RIC3: variants seen among roughly 807,000 people sequenced by gnomAD.
RIC3 encodes protein RIC-3.
RIC3 carries 28 observed loss-of-function variants against 27.3 expected under a neutral mutation model. The ratio of observed to expected loss-of-function variants is 1.02; its 90% CI spans 0.76 to 1.41. The LOEUF is 1.41. Ranked by LOEUF, RIC3 falls within the 40% of genes most tolerant of loss-of-function variation. The pLI is 0.00. For missense variants in RIC3, 501 were observed against 444.7 expected, an observed-to-expected ratio of 1.13 and a Z score of -1.14; for synonymous variants, 184 against 160.4, an observed-to-expected ratio of 1.15 and a Z score of -1.11.
chr11:8,093,279 G>A, the RIC3 span, among the ~76,000 whole-genome samples: 4 of 152,088 alleles, frequency 2.6e-5, no homozygotes, highest in Admixed American at 6.5e-5. Flanking sequence ...GGCAGCAGGA[G>A]CAAGGGCCCT....
At chr11:8,105,051 A>ATGCTT (rs1399567110), downstream of RIC3, 1 of 152,022 alleles carries the variant, frequency 6.6e-6, no homozygotes, top group African/African-American at 2.4e-5. Flanking sequence ...AAAAAGGTCC[A>ATGCTT]TGCTTTGCTT....
chr11:8,131,161 C>T (rs1236036734), intron 4 of RIC3, among the ~76,000 whole-genome samples: 1 of 152,074 alleles, frequency 6.6e-6, no homozygotes, highest in Admixed American at 6.6e-5. Context: ...CTTCATCTAA[C>T]ACTTTTTTGG....
rs1339519797 is a variant in RIC3, at chr11:8,124,832, C to T, written c.670+1827G>A. Reference sequence around the variant, plus strand: ...AAAAAAATAAACCTCAGTCCTGACACCTCAGATCATCTATAAAGGTTAACT... The same window carrying T: ...AAAAAAATAAACCTCAGTCCTGACATCTCAGATCATCTATAAAGGTTAACT... On this transcript the variant is annotated intron_variant, in intron 5 of 5. Transcript: ENST00000309737. Among the ~76,000 whole-genome samples, 5 of 152,226 alleles carry T rather than the reference C, an allele frequency of 3.3e-5. No homozygotes were observed. The South Asian group carries it at 8.3e-4, about 25-fold the overall frequency.
intron 4 of RIC3, among the ~76,000 whole-genome samples, chr11:8,133,432 G>A (rs1947975879): frequency 6.6e-6 from 1 of 152,188 alleles, no homozygotes; most frequent in South Asian, 2.1e-4. Context: ...GTTGGATTAA[G>A]GAGTGTCAGA....
intron 1 of RIC3, among the ~76,000 whole-genome samples, chr11:8,149,582 G>A (rs1031810224): frequency 6.6e-6 from 1 of 152,156 alleles, no homozygotes; most frequent in Non-Finnish European, 1.5e-5. Context: ...CAGTAACTTA[G>A]CACTGAGATG....
At chr11:8,162,722 T>G (rs1391288887) in intron 1 of RIC3, among the ~76,000 whole-genome samples, 1 of 143,242 alleles carries the variant, frequency 7.0e-6, no homozygotes, top group South Asian at 2.4e-4. Context: ...CTCAGCTCAC[T>G]GCAACCTCCA....
chr11:8,130,374 C>G lies in RIC3; in HGVS notation c.522-3567G>C, dbSNP rs188298904. Among the ~76,000 whole-genome samples, 301 of 152,306 alleles carry G rather than the reference C, an allele frequency of 2.0e-3. 2 individuals are homozygous for G. The highest frequency in any genetic ancestry group is 3.4e-3 in the Non-Finnish European group (231 of 68,038). On this transcript the variant is annotated intron_variant, in intron 4 of 5. Transcript: ENST00000309737. ...GCAACAGTCCATGAGGAGACTTTCC[C>G]TTTGTTCCTGCTCCCTAAATGCCCA... is the stretch of plus-strand genomic sequence containing the variant.
At chr11:8,101,181 C>T (rs1191978571), downstream of RIC3, among the ~76,000 whole-genome samples, 1 of 152,174 alleles carries the variant, frequency 6.6e-6, no homozygotes, top group Admixed American at 6.5e-5. Flanking sequence ...ACCTTCTTTG[C>T]AGCCCTGGTC....
intron 1 of RIC3, among the ~76,000 whole-genome samples, chr11:8,162,496 C>T (rs890546027): frequency 5.3e-5 from 8 of 152,134 alleles, no homozygotes; most frequent in African/African-American, 1.9e-4. Context: ...CTCAATGATG[C>T]CTCATCTGCC....
intron 1 of RIC3, among the ~76,000 whole-genome samples, chr11:8,157,881 G>A (rs561087003): frequency 5.9e-5 from 9 of 152,130 alleles, no homozygotes; most frequent in South Asian, 4.2e-4. Flanking sequence ...TAATTTACAC[G>A]CATTCATGGG....
intron 1 of RIC3, among the ~76,000 whole-genome samples, chr11:8,167,561 A>G (rs1951807206): frequency 6.6e-6 from 1 of 150,516 alleles, no homozygotes; most frequent in Admixed American, 6.7e-5. Flanking sequence ...TCCACTCTAC[A>G]TTTTCTACAA....
At chr11:8,116,213 C>T (rs1945850104) in intron 5 of RIC3, among the ~76,000 whole-genome samples, 1 of 152,098 alleles carries the variant, frequency 6.6e-6, no homozygotes, top group Non-Finnish European at 1.5e-5. Context: ...TGTGGGGAAA[C>T]TAGATATCCA....
At chr11:8,126,239 A>G (rs1452280721) in intron 5 of RIC3, among the ~76,000 whole-genome samples, 3 of 152,244 alleles carry the variant, frequency 2.0e-5, no homozygotes, top group Non-Finnish European at 4.4e-5. Flanking sequence ...TTATGGTATA[A>G]GTATATAACT....
chr11:8,139,742 T>A (rs1459234788), intron 2 of RIC3: 1 of 530,140 alleles, frequency 1.9e-6, no homozygotes. Context: ...TCTGCCTTGT[T>A]AGTTGTGAAT....
At chr11:8,158,896 A>G (rs947180777) in intron 1 of RIC3, among the ~76,000 whole-genome samples, 20 of 147,846 alleles carry the variant, frequency 1.4e-4, no homozygotes, top group Non-Finnish European at 2.8e-4. Context: ...CCATGCCCAG[A>G]GAATTTTTGT....
chr11:8,127,755 A>G (rs1393359091), intron 4 of RIC3, among the ~76,000 whole-genome samples: 1 of 152,176 alleles, frequency 6.6e-6, no homozygotes, highest in East Asian at 1.9e-4. Context: ...TTAATACAAC[A>G]CTTACAAAGG....
rs137883279 is a variant in RIC3 at position 8,140,175 on chromosome 11, G to A, written c.143C>T (p.Pro48Leu). ...PTPEGKLGRF[P>L]PMMHHHQAPS... ...TGCCTGGTGATGATGCATCATAGGT[G>A]GAAATCGGCCCAATTTTCCTGAGAA... Residue 48 changes from proline to leucine, a missense_variant, in exon 2 of 6, where the codon CCA becomes CTA. Physicochemically the swap from Pro to Leu is moderately conservative, Grantham distance 98. Coordinates refer to ENST00000309737, the MANE Select transcript of RIC3 (RefSeq NM_001206671.4). The A allele has an allele frequency of 3.7e-6, 6 of 1,611,250 alleles. No homozygotes were observed. The African/African-American group carries it at 8.0e-5, about 22-fold the overall frequency.
intron 1 of RIC3, among the ~76,000 whole-genome samples, chr11:8,151,358 C>A (rs1011163717): frequency 6.6e-6 from 1 of 151,468 alleles, no homozygotes; most frequent in Non-Finnish European, 1.5e-5. Flanking sequence ...GAGGCCGAGA[C>A]GGGCGGATCA....
At chr11:8,153,355 C>T (rs549445925) in intron 1 of RIC3, 3 of 432,196 alleles carry the variant, frequency 6.9e-6, no homozygotes, top group Non-Finnish European at 1.4e-5. Context: ...AGCATAGTTA[C>T]AATGACATGG....
Sources: gnomAD v4.1 joint callset for allele counts (sites outside exome capture counted in the v4.1 genomes callset) on GRCh38, gnomAD v4.1.1 for gene constraint, MANE v1.5 for transcripts, NCBI Gene and HGNC (gene_info 2026-07-23, HGNC 2026-07-21) for gene names.